Variants in AFAP1 observed in about 807,000 individuals in gnomAD.
AFAP1 encodes the protein actin filament associated protein 1.
A neutral mutation model predicts 93.9 loss-of-function variants in AFAP1; 75 were observed. The ratio of observed to expected loss-of-function variants is 0.80; its 90% CI spans 0.66 to 0.97. The LOEUF (loss-of-function observed/expected upper bound fraction) is 0.97, where lower values mean the gene tolerates loss of function less well. Ranked by LOEUF, AFAP1 falls within the 50% of genes least tolerant of loss-of-function variation. The probability of loss-of-function intolerance (pLI) is 0.00; values close to 1 mark genes in which losing one functional copy is unlikely to be tolerated. For missense variants in AFAP1, 1,201 were observed against 1,050.8 expected (o/e 1.14, Z -1.98); for synonymous variants, 517 against 430.7 (o/e 1.20, Z -2.48).
rs575054113 is a variant in AFAP1 at position 7,807,924 on chromosome 4, C to G, written c.1054+1690G>C. ...CTCTGTATTATCCTTGTGGCATGAG[C>G]CCACACCGCTGGGACGTGAGATCTG... On this transcript the variant is annotated intron_variant, in intron 9 of 17. Coordinates refer to ENST00000420658, the MANE Select transcript of AFAP1 (RefSeq NM_001134647.2). Among the ~76,000 whole-genome samples the G allele has an allele frequency of 2.0e-3, 312 of 152,214 alleles. 1 individual carries two copies. Among genetic ancestry groups the G allele is most frequent in the Non-Finnish European group, 3.4e-3 (229 of 68,040 alleles).
In AFAP1 at chr4:7,800,626, C is replaced by T. The variant is rs768316774; in HGVS notation, c.1082G>A (p.Arg361His). ...CACTCGGCACCAGCGCTCTCGCCAG[C>T]GGCTGTTGGAGAGCACGTTCAGATA... ...CGYLNVLSNS[R>H]WRERWCRVKD... Residue 361 changes from arginine (R) to histidine (H), a missense_variant, in exon 10 of 18, where the codon CGC (arginine) becomes CAC (histidine). Transcript: ENST00000420658. 15 of 1,614,222 alleles carry T rather than the reference C, an allele frequency of 9.3e-6. No homozygotes were observed. Among genetic ancestry groups the T allele is most frequent in the South Asian group, 8.8e-5 (8 of 91,084 alleles).
At chr4:7,819,593 G>C (rs1350189006) in intron 6 of AFAP1, among the ~76,000 whole-genome samples, 1 of 152,194 alleles carries the variant, frequency 6.6e-6, no homozygotes, top group Admixed American at 6.5e-5. Flanking sequence ...CCAGCCATGC[G>C]AACAACTGGC....
At chr4:7,838,727 C>T in intron 5 of AFAP1, 24 bp from the exon 6 acceptor site, 13 of 1,611,292 alleles carry the variant, frequency 8.1e-6, no homozygotes, top group Non-Finnish European at 1.1e-5. Context: ...AACAAATCAA[C>T]TGATATTATA....
At chr4:7,825,666 C>A (rs372572783) in intron 6 of AFAP1, among the ~76,000 whole-genome samples, 1 of 151,730 alleles carries the variant, frequency 6.6e-6, no homozygotes, top group Admixed American at 6.6e-5. Flanking sequence ...TCTAAGTGTA[C>A]GCTTCAGGAA....
intron 8 of AFAP1, among the ~76,000 whole-genome samples, chr4:7,811,016 C>T (rs976194588): frequency 2.0e-5 from 3 of 152,218 alleles, no homozygotes; most frequent in South Asian, 4.1e-4. Context: ...AACCGAGTGA[C>T]AAGATCCTTT....
At chr4:7,874,141 T>C (rs995908259) in intron 1 of AFAP1, among the ~76,000 whole-genome samples, 6 of 152,190 alleles carry the variant, frequency 3.9e-5, no homozygotes, top group African/African-American at 1.4e-4. Context: ...AAGTCATGTA[T>C]GGGTAAAAGA....
chr4:7,770,264 G>A (rs1380597213), intron 16 of AFAP1, among the ~76,000 whole-genome samples: 2 of 152,236 alleles, frequency 1.3e-5, no homozygotes, highest in East Asian at 1.9e-4. Flanking sequence ...GCTGGAGAAG[G>A]GGCCAGAGGG....
At chr4:7,859,359 C>T (rs1577305613) in intron 3 of AFAP1, among the ~76,000 whole-genome samples, 1 of 152,056 alleles carries the variant, frequency 6.6e-6, no homozygotes, top group Non-Finnish European at 1.5e-5. Flanking sequence ...GCAGAGGCTG[C>T]AGTGAGCCAA....
At chr4:7,920,169 G>A (rs539882460) in intron 1 of AFAP1, among the ~76,000 whole-genome samples, 1 of 152,142 alleles carries the variant, frequency 6.6e-6, no homozygotes, top group East Asian at 1.9e-4. Context: ...TAATGGGATT[G>A]CTGAGTCAAA....
At chr4:7,890,275 G>A (rs889021365) in intron 1 of AFAP1, among the ~76,000 whole-genome samples, 6 of 152,026 alleles carry the variant, frequency 3.9e-5, no homozygotes, top group African/African-American at 1.4e-4. Context: ...TAATGCAATG[G>A]GGAAAAAAAA....
Position 7,843,280 on chromosome 4 carries a change from C to G in AFAP1, c.405G>C (p.Lys135Asn). Residue 135 changes from lysine (K) to asparagine (N), a missense_variant, in exon 5 of 18, where the codon AAG becomes AAC. Physicochemically the swap from Lys to Asn is moderately conservative, Grantham distance 94 (BLOSUM62 0). Coordinates refer to ENST00000420658, the MANE Select transcript of AFAP1 (RefSeq NM_001134647.2). ...YDEEEEDGKG[K>N]KTRHQWPSEE... Reference sequence around the variant, plus strand: ...CGGAGGGCCACTGGTGCCGGGTTTTCTTCCCCTTCCCATCCTCCTCCTCTT... The same window carrying G: ...CGGAGGGCCACTGGTGCCGGGTTTTGTTCCCCTTCCCATCCTCCTCCTCTT... 6.2e-7 allele frequency: 1 copy of G among 1,614,154 alleles called. No individual in the cohort carries two copies. The highest frequency in any genetic ancestry group is 8.5e-7 in the Non-Finnish European group (1 of 1,180,022).
intron 1 of AFAP1, among the ~76,000 whole-genome samples, chr4:7,936,109 C>G (rs1453254890): frequency 6.6e-6 from 1 of 152,148 alleles, no homozygotes; most frequent in Non-Finnish European, 1.5e-5. Flanking sequence ...CAAAATCCTA[C>G]TGAGTGAAGC....
At chr4:7,824,444 G>C (rs957244456) in intron 6 of AFAP1, among the ~76,000 whole-genome samples, 48 of 114,360 alleles carry the variant, frequency 4.2e-4, no homozygotes, top group East Asian at 6.8e-4. Context: ...CACACACACA[G>C]AGACAGTCAG....
At chr4:7,887,998 T>C (rs34984446) in intron 1 of AFAP1, among the ~76,000 whole-genome samples, 67,144 of 151,568 alleles carry the variant, frequency 0.44, 17,010 homozygotes, top group Non-Finnish European at 0.6. Flanking sequence ...GGCTAAGTTT[T>C]GTATTTTTGG....
chr4:7,819,944 C>T (rs1720817196), intron 6 of AFAP1, among the ~76,000 whole-genome samples: 1 of 152,172 alleles, frequency 6.6e-6, no homozygotes, highest in Non-Finnish European at 1.5e-5. Context: ...AGGTTAAATG[C>T]CCCAAGACAG....
chr4:7,844,440 G>A (rs949950109), intron 4 of AFAP1, among the ~76,000 whole-genome samples: 1 of 152,210 alleles, frequency 6.6e-6, no homozygotes, highest in South Asian at 2.1e-4. Context: ...AAGCCCCCCA[G>A]TGGTGGCATT....
At chr4:7,851,726 G>A (rs1241362891) in intron 4 of AFAP1, among the ~76,000 whole-genome samples, 6 of 152,194 alleles carry the variant, frequency 3.9e-5, no homozygotes, top group South Asian at 2.1e-4. Context: ...AGGTACTTCC[G>A]AGTACCCTAC....
chr4:7,814,316 T>C (rs1720287869), intron 8 of AFAP1, among the ~76,000 whole-genome samples: 1 of 152,152 alleles, frequency 6.6e-6, no homozygotes, highest in Admixed American at 6.5e-5. Context: ...CACAATCACA[T>C]ACCACTACAC....
intron 1 of AFAP1, among the ~76,000 whole-genome samples, chr4:7,913,412 T>C (rs183251395): frequency 0.017 from 2,568 of 150,366 alleles, 76 homozygotes; most frequent in African/African-American, 0.058. Flanking sequence ...AAAAAAATGC[T>C]AGCGCATCAC....
Sources: allele counts gnomAD v4.1 joint callset (sites outside exome capture counted in the v4.1 genomes callset), GRCh38; gene constraint gnomAD v4.1.1; transcripts MANE v1.5; gene names NCBI Gene and HGNC (gene_info 2026-07-23, HGNC 2026-07-21).